GALNT2: variants seen among roughly 807,000 people sequenced by gnomAD.
GALNT2 encodes the protein polypeptide N-acetylgalactosaminyltransferase 2, also known as UDP-GalNAc:polypeptide N-acetylgalactosaminyltransferase 2.
Under a neutral mutation model 81.4 loss-of-function variants are expected in GALNT2, and 31 were observed. The ratio of observed to expected loss-of-function variants is 0.38; its 90% CI spans 0.29 to 0.51. GALNT2 has a LOEUF of 0.51. Ranked by LOEUF, GALNT2 falls within the 20% of genes least tolerant of loss-of-function variation. GALNT2 has a pLI of 0.87. For synonymous variants in GALNT2, 303 were observed against 287.4 expected, an observed-to-expected ratio of 1.05 and a Z score of -0.55; for missense variants, 629 against 765.7, an observed-to-expected ratio of 0.82 and a Z score of 2.11.
rs116054843 is a variant in GALNT2, at chr1:230,211,138, T to G, written c.374+7848T>G. ...TTGTACTTCTCGGCAGCTCGCGGCG[T>G]CTCATAAACATGCGCCGCTGGCCTC... On this transcript the variant is annotated intron_variant, in intron 3 of 15. Transcript: ENST00000366672. Among the ~76,000 whole-genome samples the G allele has an allele frequency of 5.5e-3, 838 of 152,246 alleles. 8 individuals are homozygous for G. Among genetic ancestry groups the G allele is most frequent in the African/African-American group, 0.019 (800 of 41,530 alleles).
chr1:230,275,684 A>G lies in GALNT2; in HGVS notation c.1560+1120A>G, dbSNP rs1197666647. 7.6e-6 allele frequency among the ~76,000 whole-genome samples: 1 copy of G among 132,438 alleles called. No homozygotes were observed. Among genetic ancestry groups the G allele is most frequent in the Non-Finnish European group, 1.6e-5 (1 of 63,674 alleles). The allele number at this position is 132,438 out of a possible 152,430, so 86.9% of individuals were successfully genotyped here. A position where few individuals can be genotyped will look rare whatever the true frequency, so the allele number is the denominator to read the frequency against. The stretch of plus-strand genomic sequence containing the variant: ...ATATATACATGCCACATGTATACAT[A>G]TGTAAACACCACATATATATACACA... On this transcript the variant is annotated intron_variant, in intron 15 of 15. Coordinates refer to ENST00000366672, the MANE Select transcript of GALNT2 (RefSeq NM_004481.5). This position sits in a 1 kb window ranked among gnomAD's most constrained non-coding sequence, Gnocchi z 5.5.
At chr1:230,229,088 T>C (rs1664797550) in intron 3 of GALNT2, among the ~76,000 whole-genome samples, 1 of 152,206 alleles carries the variant, frequency 6.6e-6, no homozygotes, top group South Asian at 2.1e-4. Flanking sequence ...TTCCTGAACA[T>C]TGTTACCCCA....
intron 3 of GALNT2, among the ~76,000 whole-genome samples, chr1:230,210,092 G>A (rs1238358575): frequency 1.3e-5 from 2 of 152,202 alleles, no homozygotes; most frequent in South Asian, 4.1e-4. Flanking sequence ...GGAAGTGAGT[G>A]TCGTCAGGCT....
chr1:230,197,931 G>C (rs868440556), intron 2 of GALNT2, among the ~76,000 whole-genome samples: 1 of 152,180 alleles, frequency 6.6e-6, no homozygotes, highest in Non-Finnish European at 1.5e-5. Context: ...AGGCAGGCTC[G>C]GGAGGGCTGA....
chr1:230,263,121 G>A, intron 13 of GALNT2, 116 bp downstream of exon 13: 3 of 807,358 alleles, frequency 3.7e-6, no homozygotes, highest in Non-Finnish European at 6.1e-6. Context: ...GGGCACCTGG[G>A]CCCCAGTGAG....
Position 230,172,591 on chromosome 1 carries a change from A to G in GALNT2, c.127-5627A>G, listed in dbSNP as rs116770382. ...GGACTGCACAGTGCCCTGCACGCAT[A>G]GATTCGATCAATAGTGCCTAAGGGG... On this transcript the variant is annotated intron_variant, in intron 1 of 15. Transcript: ENST00000366672. Among the ~76,000 whole-genome samples the G allele has an allele frequency of 5.7e-3, 871 of 152,340 alleles. 6 individuals carry two copies. The highest frequency in any genetic ancestry group is 0.02 in the African/African-American group (830 of 41,570).
At chr1:230,140,896 A>C (rs1169752254) in intron 1 of GALNT2, among the ~76,000 whole-genome samples, 1 of 152,176 alleles carries the variant, frequency 6.6e-6, no homozygotes, top group East Asian at 1.9e-4. Flanking sequence ...CTTTTCCATT[A>C]CCAAGTGATA....
intron 3 of GALNT2, among the ~76,000 whole-genome samples, chr1:230,221,170 C>A (rs180680766): frequency 1.2e-3 from 175 of 148,628 alleles, no homozygotes; most frequent in African/African-American, 4.3e-3. Context: ...GTTTGCCTGC[C>A]TACTTTTTTT....
chr1:230,267,926 G>C (rs570739396), intron 14 of GALNT2, among the ~76,000 whole-genome samples: 7 of 152,354 alleles, frequency 4.6e-5, no homozygotes, highest in Admixed American at 4.6e-4. Flanking sequence ...GGCGCCGTGC[G>C]GTGCTGCTGT....
rs58544942 is a variant in GALNT2 at position 230,252,843 on chromosome 1, C to CTTT, written c.1009+2303_1009+2305dup. ...TTATTTTCTGAAATAGAGACAACTTCTTTTTTTTTTTTTTTTTTTTTTGAG... is the reference window on the plus strand; with the variant it reads ...TTATTTTCTGAAATAGAGACAACTTCTTTTTTTTTTTTTTTTTTTTTTTTTGAG... On this transcript the variant is annotated intron_variant, in intron 10 of 15. Transcript: ENST00000366672. 3.0e-3 allele frequency among the ~76,000 whole-genome samples: 238 copies of CTTT among 78,928 alleles called. 4 individuals carry two copies. Among genetic ancestry groups the CTTT allele is most frequent in the East Asian group, 3.5e-3 (8 of 2,290 alleles). 51.8% of individuals were successfully genotyped at this position (78,928 alleles called of 152,430 possible). A position where few individuals can be genotyped will look rare whatever the true frequency, so the allele number is the denominator to read the frequency against.
intron 1 of GALNT2, among the ~76,000 whole-genome samples, chr1:230,170,567 G>T (rs553847040): frequency 1.3e-5 from 2 of 152,132 alleles, no homozygotes; most frequent in Non-Finnish European, 2.9e-5. Flanking sequence ...CTAGTATATT[G>T]GTTTGTTTTA....
intron 2 of GALNT2, among the ~76,000 whole-genome samples, chr1:230,197,996 G>A (rs1016936060): frequency 5.9e-5 from 9 of 152,214 alleles, no homozygotes; most frequent in East Asian, 1.9e-4. Context: ...CGAAAGAGGC[G>A]TAGGAGTAAG....
At chr1:230,246,236 C>A in intron 8 of GALNT2, 86 bp downstream of exon 8, 1 of 1,001,766 alleles carries the variant, frequency 1.0e-6, no homozygotes, top group Non-Finnish European at 1.6e-6. Context: ...TCAGGAGTGA[C>A]AGTGACAACA....
At chr1:230,071,488 C>T (rs1659373862) in intron 1 of GALNT2, among the ~76,000 whole-genome samples, 1 of 152,130 alleles carries the variant, frequency 6.6e-6, no homozygotes, top group Non-Finnish European at 1.5e-5. Context: ...GGTGGGATCC[C>T]AGGTTCTGAG....
chr1:230,144,178 A>G lies in GALNT2; in HGVS notation c.127-34040A>G, dbSNP rs560314367. ...GTCTCCGTGCTGCCTTCTGGGCCAC[A>G]TGTCAAAGAGTTGACACTGTTATTT... On this transcript the variant is annotated intron_variant, in intron 1 of 15. Coordinates refer to ENST00000366672, the MANE Select transcript of GALNT2 (RefSeq NM_004481.5). Among the ~76,000 whole-genome samples the G allele has an allele frequency of 6.6e-5, 10 of 152,294 alleles. 1 individual carries two copies. In the South Asian group the frequency reaches 2.1e-3, roughly 32 times the overall value.
chr1:230,083,518 A>G (rs182615767), intron 1 of GALNT2, among the ~76,000 whole-genome samples: 1 of 152,316 alleles, frequency 6.6e-6, no homozygotes, highest in African/African-American at 2.4e-5. Flanking sequence ...GGGCCCAATG[A>G]TGGAACAAGA....
intron 3 of GALNT2, among the ~76,000 whole-genome samples, chr1:230,219,308 T>C (rs1287108504): frequency 6.6e-6 from 1 of 152,182 alleles, no homozygotes; most frequent in African/African-American, 2.4e-5. Flanking sequence ...CCTGTTGAAG[T>C]TGGAAAATTC....
intron 11 of GALNT2, among the ~76,000 whole-genome samples, chr1:230,260,219 A>G (rs1456961236): frequency 6.6e-6 from 1 of 152,248 alleles, no homozygotes; most frequent in Non-Finnish European, 1.5e-5. Context: ...CTACCTAAAT[A>G]CTTGCAAATA....
intron 1 of GALNT2, among the ~76,000 whole-genome samples, chr1:230,092,185 T>TGTTTTTTTTTG (rs371156205): frequency 2.6e-5 from 3 of 114,286 alleles, no homozygotes; most frequent in Non-Finnish European, 3.6e-5. Context: ...AGTTTTTTTT[T>TGTTTTTTTTTG]TTTTTTTTTT....
Sources: gnomAD v4.1 joint callset for allele counts (sites outside exome capture counted in the v4.1 genomes callset) on GRCh38, gnomAD v4.1.1 for gene constraint, Gnocchi (gnomAD v3.1) non-coding constraint, MANE v1.5 for transcripts, NCBI Gene and HGNC (gene_info 2026-07-23, HGNC 2026-07-21) for gene names.